Variants in CDH4 observed in about 807,000 individuals in gnomAD.
The protein encoded by CDH4 is cadherin-4.
In CDH4, 33 loss-of-function variants were observed where a neutral mutation model predicts 86.0. That is an observed-to-expected ratio of 0.38 (90% confidence interval 0.29 to 0.51). The LOEUF is 0.51. Ranked by LOEUF, CDH4 falls within the 20% of genes least tolerant of loss-of-function variation. The pLI, the probability that CDH4 is intolerant of heterozygous loss-of-function variation, is 0.86. For missense variants in CDH4, 1,114 were observed against 1,307.4 expected, an observed-to-expected ratio of 0.85 and a Z score of 2.28; for synonymous variants, 555 against 549.4, an observed-to-expected ratio of 1.01 and a Z score of -0.14.
chr20:61,838,990 T>C (rs1230624135), intron 4 of CDH4, among the ~76,000 whole-genome samples: 1 of 152,144 alleles, frequency 6.6e-6, no homozygotes. Flanking sequence ...TTTTACTCCA[T>C]GGAGAGAGGG....
chr20:61,751,411 T>C (rs796904122), intron 3 of CDH4, among the ~76,000 whole-genome samples: 1 of 152,342 alleles, frequency 6.6e-6, no homozygotes, highest in South Asian at 2.1e-4. Context: ...GATGATTAGA[T>C]AGACACTTGG....
chr20:61,533,868 T>C lies in CDH4; in HGVS notation c.170-209695T>C, dbSNP rs1401502690. Among the ~76,000 whole-genome samples the C allele has an allele frequency of 2.0e-5, 3 of 152,194 alleles. No homozygotes were observed. The East Asian group carries it at 5.8e-4, about 29-fold the overall frequency. On this transcript the variant is annotated intron_variant, in intron 2 of 15. Transcript: ENST00000614565. ...AACCTCAATATGGGACCAAAGATGC[T>C]TCTAGAAAAGTAACCCCAACTCCCA... is the stretch of plus-strand genomic sequence containing the variant.
intron 2 of CDH4, among the ~76,000 whole-genome samples, chr20:61,619,055 C>G (rs1296782817): frequency 6.6e-6 from 1 of 152,172 alleles, no homozygotes; most frequent in African/African-American, 2.4e-5. Flanking sequence ...TGGCCCCTGC[C>G]CAGTGATAGT....
chr20:61,661,018 C>T (rs942785769), intron 2 of CDH4, among the ~76,000 whole-genome samples: 1 of 143,410 alleles, frequency 7.0e-6, no homozygotes, highest in Non-Finnish European at 1.5e-5. Context: ...ATTCTAGTGG[C>T]TTTAACAGGA....
chr20:61,375,923 T>C (rs1240621589), intron 2 of CDH4, among the ~76,000 whole-genome samples: 1 of 151,332 alleles, frequency 6.6e-6, no homozygotes, highest in East Asian at 2.0e-4. Flanking sequence ...ATGGTCTTGG[T>C]GCTGGTGATG....
intron 2 of CDH4, among the ~76,000 whole-genome samples, chr20:61,588,774 C>T (rs1042370434): frequency 6.6e-6 from 1 of 152,210 alleles, no homozygotes; most frequent in African/African-American, 2.4e-5. Context: ...TTCTGTCTTT[C>T]CCGAGAAAAG....
chr20:61,327,626 C>T (rs1295884743), intron 2 of CDH4, among the ~76,000 whole-genome samples: 1 of 152,158 alleles, frequency 6.6e-6, no homozygotes. Flanking sequence ...AATCGATTCT[C>T]GTGCAGGGAG....
chr20:61,607,160 A>G (rs1423060215), intron 2 of CDH4, among the ~76,000 whole-genome samples: 1 of 152,244 alleles, frequency 6.6e-6, no homozygotes, highest in Admixed American at 6.5e-5. Context: ...GTTGGATGAA[A>G]AAACAAACAC....
At chr20:61,900,876 C>T (rs1451643644) in intron 8 of CDH4, among the ~76,000 whole-genome samples, 5 of 152,178 alleles carry the variant, frequency 3.3e-5, no homozygotes, top group African/African-American at 4.8e-5. Flanking sequence ...CCGAATATTC[C>T]CGGATATCAG....
At chr20:61,790,902 CCATT>C (rs1428701529) in intron 4 of CDH4, among the ~76,000 whole-genome samples, 1 of 151,856 alleles carries the variant, frequency 6.6e-6, no homozygotes, top group East Asian at 1.9e-4. Flanking sequence ...TACCATCCAT[CCATT>C]GATTTCTACA....
intron 2 of CDH4, among the ~76,000 whole-genome samples, chr20:61,581,173 GGGGACC>G (rs1464461417): frequency 1.3e-5 from 2 of 152,218 alleles, no homozygotes; most frequent in Non-Finnish European, 2.9e-5. Flanking sequence ...CACCCAGGCA[GGGGACC>G]AGTGGGATGT....
chr20:61,923,404 C>T, intron 9 of CDH4, 47 bp from the exon 10 acceptor site: 1 of 1,601,986 alleles, frequency 6.2e-7, no homozygotes, highest in Non-Finnish European at 8.5e-7. Context: ...TGCCCACTCC[C>T]ACGGGAGCTG....
At chr20:61,790,639 A>C (rs1165345151) in intron 4 of CDH4, among the ~76,000 whole-genome samples, 1 of 148,450 alleles carries the variant, frequency 6.7e-6, no homozygotes. Flanking sequence ...TCATCTCTCC[A>C]TCCATTCACC....
chr20:61,630,879 C>G (rs2086881062), intron 2 of CDH4, among the ~76,000 whole-genome samples: 1 of 152,192 alleles, frequency 6.6e-6, no homozygotes, highest in Non-Finnish European at 1.5e-5. Flanking sequence ...GAACGGGGCC[C>G]TTGCTACATT....
chr20:61,932,822 CAG>C (rs1434495829), intron 13 of CDH4, among the ~76,000 whole-genome samples, 161 bp from the exon 14 acceptor site: 1 of 152,238 alleles, frequency 6.6e-6, no homozygotes, highest in African/African-American at 2.4e-5. Context: ...CCTGCATGTG[CAG>C]AGACATGCGC....
At chr20:61,722,411 T>G (rs1292007157) in intron 2 of CDH4, among the ~76,000 whole-genome samples, 1 of 152,164 alleles carries the variant, frequency 6.6e-6, no homozygotes, top group Non-Finnish European at 1.5e-5. Flanking sequence ...CTTCCAGAAG[T>G]GAGGAAGGAT....
At chr20:61,907,621 C>T (rs1353320610) in intron 8 of CDH4, among the ~76,000 whole-genome samples, 1 of 152,166 alleles carries the variant, frequency 6.6e-6, no homozygotes, top group Non-Finnish European at 1.5e-5. Context: ...GACGATCTGA[C>T]TCCTGGGCGG....
intron 2 of CDH4, among the ~76,000 whole-genome samples, chr20:61,693,371 G>T (rs1224358471): frequency 6.6e-6 from 1 of 152,230 alleles, no homozygotes; most frequent in Non-Finnish European, 1.5e-5. Context: ...GGCCTGGGGA[G>T]TGTGTAAGGG....
rs964782690 is a variant in CDH4, at chr20:61,940,222, G to A, written c.*3279G>A. 11 of 152,092 alleles carry A rather than the reference G, an allele frequency of 7.2e-5. No homozygotes were observed. Among genetic ancestry groups the A allele is most frequent in the South Asian group, 2.1e-4 (1 of 4,820 alleles). The allele number at this position is 152,092 out of a possible 1,614,324, so 9.4% of individuals were successfully genotyped here. A position where few individuals can be genotyped will look rare whatever the true frequency, so the allele number is the denominator to read the frequency against. ...CCACCTCTCTGTACAATTGGAATGC[G>A]TTTTACTTTTCTTTTCTCTCCTTTT... is the stretch of plus-strand genomic sequence containing the variant. On this transcript the variant is annotated 3_prime_UTR_variant, in exon 16 of 16. Coordinates refer to ENST00000614565, the MANE Select transcript of CDH4 (RefSeq NM_001794.5).
Sources: gnomAD v4.1 joint callset for allele counts (sites outside exome capture counted in the v4.1 genomes callset) on GRCh38, gnomAD v4.1.1 for gene constraint, MANE v1.5 for transcripts, NCBI Gene and HGNC (gene_info 2026-07-23, HGNC 2026-07-21) for gene names.